Variants in CNTN4 observed in about 807,000 individuals in gnomAD.
The protein encoded by CNTN4 is contactin-4.
In CNTN4, 77 loss-of-function variants were observed where a neutral mutation model predicts 122.5. That is an observed-to-expected ratio of 0.63 (90% CI 0.52 to 0.76). The LOEUF is 0.76. CNTN4 is among the 30% of genes least tolerant of loss of function. The pLI, the probability that CNTN4 is intolerant of heterozygous loss-of-function variation, is 0.00. For synonymous variants in CNTN4, 512 were observed against 447.0 expected (o/e 1.15, Z -1.83); for missense variants, 1,256 against 1,259.1 (o/e 1.00, Z 0.04).
intron 13 of CNTN4, among the ~76,000 whole-genome samples, chr3:2,940,724 G>T (rs547309626): frequency 2.7e-5 from 3 of 109,352 alleles, no homozygotes; most frequent in South Asian, 7.0e-4. Flanking sequence ...TAAAGTCTCA[G>T]AGAAGTTAAG....
intron 20 of CNTN4, among the ~76,000 whole-genome samples, chr3:3,041,335 A>G (rs1359016328): frequency 1.3e-5 from 2 of 152,210 alleles, no homozygotes; most frequent in African/African-American, 2.4e-5. Flanking sequence ...AGGATTTACA[A>G]TTATTCAAAC....
At chr3:2,483,095 G>C (rs545450657) in intron 3 of CNTN4, among the ~76,000 whole-genome samples, 247 of 152,264 alleles carry the variant, frequency 1.6e-3, no homozygotes, top group Non-Finnish European at 2.9e-3. Context: ...GCCAGGAGGG[G>C]TGCTATACCC....
chr3:2,965,049 G>T (rs556558962), intron 13 of CNTN4, among the ~76,000 whole-genome samples: 18 of 152,318 alleles, frequency 1.2e-4, no homozygotes, highest in African/African-American at 4.3e-4. Flanking sequence ...CCAGTGGTCT[G>T]TGATTCTATT....
intron 13 of CNTN4, among the ~76,000 whole-genome samples, chr3:2,959,715 G>C (rs1291858471): frequency 6.6e-6 from 1 of 151,650 alleles, no homozygotes; most frequent in Non-Finnish European, 1.5e-5. Context: ...GAAACAGTTT[G>C]GGATCTGTAA....
intron 8 of CNTN4, among the ~76,000 whole-genome samples, chr3:2,869,336 G>T (rs1333137068): frequency 2.0e-5 from 3 of 151,996 alleles, no homozygotes. Flanking sequence ...AAACTAGGGG[G>T]TAACAGCAGA....
At chr3:2,609,932 A>T (rs555064674) in intron 4 of CNTN4, among the ~76,000 whole-genome samples, 4 of 152,116 alleles carry the variant, frequency 2.6e-5, no homozygotes, top group Admixed American at 6.5e-5. Context: ...TCTTCACCTT[A>T]ATTTTGAATA....
chr3:2,234,786 C>G lies in CNTN4; in HGVS notation c.-144-104392C>G, dbSNP rs553803062. ...TTTCTCTTTTACTTTTTTCTCTTCTCTTTTTCTCTTGTTTAAGAAGTAGCA... is the reference window on the plus strand; with the variant it reads ...TTTCTCTTTTACTTTTTTCTCTTCTGTTTTTCTCTTGTTTAAGAAGTAGCA... On this transcript the variant is annotated intron_variant, in intron 2 of 24. Transcript: ENST00000418658. Among the ~76,000 whole-genome samples the G allele has an allele frequency of 2.6e-5, 4 of 152,186 alleles. No individual in the cohort carries two copies. The East Asian group carries it at 7.7e-4, about 29-fold the overall frequency.
At chr3:2,803,368 G>A (rs2092392129) in intron 6 of CNTN4, among the ~76,000 whole-genome samples, 1 of 152,112 alleles carries the variant, frequency 6.6e-6, no homozygotes, top group Admixed American at 6.6e-5. Context: ...TAAATATCTT[G>A]TGAACTTATA....
At chr3:3,051,949 G>C (rs1281736505) in intron 23 of CNTN4, among the ~76,000 whole-genome samples, 1 of 152,146 alleles carries the variant, frequency 6.6e-6, no homozygotes, top group Non-Finnish European at 1.5e-5. Context: ...CATCAGCACT[G>C]GCATTAGCTG....
intron 8 of CNTN4, among the ~76,000 whole-genome samples, chr3:2,878,099 A>G (rs1436701853): frequency 6.6e-6 from 1 of 152,158 alleles, no homozygotes; most frequent in Non-Finnish European, 1.5e-5. Context: ...ATGCCATTCT[A>G]TCTCTGATCC....
chr3:2,160,355 TGTATCCTG>T (rs1195721009), intron 2 of CNTN4, among the ~76,000 whole-genome samples: 30 of 152,208 alleles, frequency 2.0e-4, no homozygotes, highest in Admixed American at 1.6e-3. Context: ...GAGAGAGTCT[TGTATCCTG>T]GTTAAGAGGT....
At chr3:2,610,257 T>C (rs2081424453) in intron 4 of CNTN4, among the ~76,000 whole-genome samples, 1 of 152,202 alleles carries the variant, frequency 6.6e-6, no homozygotes, top group African/African-American at 2.4e-5. Flanking sequence ...TAATCTCCTC[T>C]TAAGAAAAAA....
At chr3:2,493,152 A>G (rs2151683385) in intron 3 of CNTN4, among the ~76,000 whole-genome samples, 1 of 152,282 alleles carries the variant, frequency 6.6e-6, no homozygotes, top group African/African-American at 2.4e-5. Flanking sequence ...GATAATATAG[A>G]GAGTGTGTCA....
At chr3:2,890,896 C>A (rs576206791) in intron 10 of CNTN4, among the ~76,000 whole-genome samples, 1 of 152,270 alleles carries the variant, frequency 6.6e-6, no homozygotes, top group Non-Finnish European at 1.5e-5. Flanking sequence ...TAAAAACTTC[C>A]TAAAAATAGA....
chr3:2,670,040 G>A (rs548602107), intron 4 of CNTN4, among the ~76,000 whole-genome samples: 2 of 152,320 alleles, frequency 1.3e-5, no homozygotes, highest in East Asian at 3.9e-4. Flanking sequence ...GAATAAGTGT[G>A]ATGTGGTGCT....
At chr3:3,000,880 C>A (rs377279277) in intron 14 of CNTN4, among the ~76,000 whole-genome samples, 1 of 131,502 alleles carries the variant, frequency 7.6e-6, no homozygotes, top group South Asian at 2.5e-4. Context: ...TTCTTTCTTT[C>A]TTTTTTTTTT....
chr3:3,014,619 G>A (rs1400560470), intron 14 of CNTN4, among the ~76,000 whole-genome samples: 3 of 151,786 alleles, frequency 2.0e-5, no homozygotes, highest in Non-Finnish European at 4.4e-5. Flanking sequence ...TCTTTGTGGA[G>A]TAGAGGATTC....
chr3:2,654,840 T>C (rs1314423332), intron 4 of CNTN4, among the ~76,000 whole-genome samples: 2 of 152,150 alleles, frequency 1.3e-5, no homozygotes, highest in Admixed American at 6.6e-5. Flanking sequence ...TCATAGCAGC[T>C]TCTTTGCTTC....
rs529762006 is a variant in CNTN4 at position 2,209,189 on chromosome 3, A to G, written c.-145+108550A>G. 3.3e-5 allele frequency among the ~76,000 whole-genome samples: 5 copies of G among 152,274 alleles called. No individual in the cohort carries two copies. The South Asian group carries it at 1.0e-3, about 32-fold the overall frequency. Reference sequence around the variant, plus strand: ...TTCTATTTGTGGCCCACTATTTTACAGAGCCTCTGAGTCCTCTGCTATGTT... The same window carrying G: ...TTCTATTTGTGGCCCACTATTTTACGGAGCCTCTGAGTCCTCTGCTATGTT... On this transcript the variant is annotated intron_variant, in intron 2 of 24. Coordinates refer to ENST00000418658, the MANE Select transcript of CNTN4 (RefSeq NM_175607.3).
Sources: gnomAD v4.1 joint callset for allele counts (sites outside exome capture counted in the v4.1 genomes callset) on GRCh38, gnomAD v4.1.1 for gene constraint, MANE v1.5 for transcripts, NCBI Gene and HGNC (gene_info 2026-07-23, HGNC 2026-07-21) for gene names.